CNOT6L: variants seen among roughly 807,000 people sequenced by gnomAD.
The protein encoded by CNOT6L is CCR4-NOT transcription complex subunit 6-like.
A neutral mutation model predicts 64.0 loss-of-function variants in CNOT6L; 7 were observed. That is an observed-to-expected ratio of 0.11 (90% CI 0.06 to 0.21). CNOT6L has a LOEUF of 0.21. CNOT6L is among the 10% of genes least tolerant of loss of function. The pLI, the probability that CNOT6L is intolerant of heterozygous loss-of-function variation, is 1.00. For missense variants in CNOT6L, 245 were observed against 669.0 expected, an observed-to-expected ratio of 0.37 and a Z score of 6.99; for synonymous variants, 193 against 243.4, an observed-to-expected ratio of 0.79 and a Z score of 1.93.
chr4:77,791,912 T>C (rs1217012724), intron 1 of CNOT6L, among the ~76,000 whole-genome samples: 1 of 152,188 alleles, frequency 6.6e-6, no homozygotes, highest in Non-Finnish European at 1.5e-5. Flanking sequence ...TACATATATA[T>C]ATACTTGAAG....
At chr4:77,789,301 C>T (rs1179692811) in intron 1 of CNOT6L, among the ~76,000 whole-genome samples, 6 of 151,810 alleles carry the variant, frequency 4.0e-5, no homozygotes, top group South Asian at 2.1e-4. Context: ...GCTCCCCCCA[C>T]GCTCCCCCCA....
rs35634501 is a variant in CNOT6L at position 77,783,150 on chromosome 4, CA to C, written c.6-6759del. Among the ~76,000 whole-genome samples the C allele has an allele frequency of 6.9e-3, 706 of 102,132 alleles. 3 individuals are homozygous for C. The highest frequency in any genetic ancestry group is 0.025 in the African/African-American group (647 of 25,432). The allele number at this position is 102,132 out of a possible 152,430, so 67.0% of individuals were successfully genotyped here. A position where few individuals can be genotyped will look rare whatever the true frequency, so the allele number is the denominator to read the frequency against. Reference sequence around the variant, plus strand: ...TGACATCTCCAGCTCTGTGACCACTCAAAAAAAAAAAAAAAAAAAACACATG... The same window carrying C: ...TGACATCTCCAGCTCTGTGACCACTCAAAAAAAAAAAAAAAAAAACACATG... On this transcript the variant is annotated intron_variant, in intron 1 of 11. Transcript: ENST00000504123.
At chr4:77,813,523 G>A (rs1733202780) in intron 1 of CNOT6L, among the ~76,000 whole-genome samples, 1 of 151,954 alleles carries the variant, frequency 6.6e-6, no homozygotes. Flanking sequence ...TCATATATAA[G>A]GGACACATCT....
At chr4:77,727,562 C>CAAAAAAAAAAAAAAA (rs55848621) in intron 10 of CNOT6L, among the ~76,000 whole-genome samples, 1 of 84,588 alleles carries the variant, frequency 1.2e-5, no homozygotes, top group African/African-American at 4.9e-5. Flanking sequence ...AACTCTGTCT[C>CAAAAAAAAAAAAAAA]AAAAAAAAAA....
intron 5 of CNOT6L, among the ~76,000 whole-genome samples, chr4:77,750,954 C>T (rs549380429): frequency 2.3e-3 from 352 of 152,228 alleles, no homozygotes; most frequent in South Asian, 8.5e-3. Context: ...ATTTAAAAAG[C>T]ATCAGAAGTC....
chr4:77,777,650 A>T (rs1000693808), intron 1 of CNOT6L, among the ~76,000 whole-genome samples: 11 of 152,220 alleles, frequency 7.2e-5, no homozygotes, highest in Non-Finnish European at 1.5e-4. Context: ...CATAGTATTT[A>T]TATTGGGTTC....
In CNOT6L at chr4:77,714,250, G is replaced by GA. The variant is rs1485823876; in HGVS notation, c.*6180dup. 1 of 152,250 alleles carries GA rather than the reference G, an allele frequency of 6.6e-6. No individual in the cohort carries two copies. The highest frequency in any genetic ancestry group is 1.5e-5 in the Non-Finnish European group (1 of 67,954). 9.4% of individuals were successfully genotyped at this position (152,250 alleles called of 1,614,324 possible). ...ATTCTTTAACTTAATGCCAGGTAAT[G>GA]AAAATAAATGAACCTTTCCCTACTC... On this transcript the variant is annotated 3_prime_UTR_variant, in exon 12 of 12. Transcript: ENST00000504123.
Position 77,743,598 on chromosome 4 carries a change from T to G in CNOT6L, c.717+1120A>C, listed in dbSNP as rs1238871747. ...TTGTAACACACAACTTTTTTTTTTT[T>G]TTTTTTTTTTTTTTTTTTTTTGAGA... On this transcript the variant is annotated intron_variant, in intron 7 of 11. Coordinates refer to ENST00000504123, the MANE Select transcript of CNOT6L (RefSeq NM_144571.3). 1.3e-3 allele frequency among the ~76,000 whole-genome samples: 112 copies of G among 83,698 alleles called. 2 individuals are homozygous for G. The highest frequency in any genetic ancestry group is 3.6e-3 in the African/African-American group (94 of 25,892). The allele number at this position is 83,698 out of a possible 152,430, so 54.9% of individuals were successfully genotyped here.
At chr4:77,818,434 ATGTT>A (rs1360942544) in intron 1 of CNOT6L, among the ~76,000 whole-genome samples, 2 of 152,088 alleles carry the variant, frequency 1.3e-5, no homozygotes, top group East Asian at 3.9e-4. Context: ...TTCCAAGAAA[ATGTT>A]TGTCTAATTA....
chr4:77,755,223 G>GTTTT (rs869054667), intron 5 of CNOT6L, among the ~76,000 whole-genome samples: 10 of 70,434 alleles, frequency 1.4e-4, no homozygotes, highest in Non-Finnish European at 1.7e-4. Flanking sequence ...AGAGACAAGA[G>GTTTT]TTTTTTTTTT....
At chr4:77,771,137 T>C (rs1046318365) in intron 4 of CNOT6L, among the ~76,000 whole-genome samples, 2 of 152,002 alleles carry the variant, frequency 1.3e-5, no homozygotes, top group Admixed American at 6.6e-5. Flanking sequence ...CTGACCAACA[T>C]AGAGAAGCCC....
At chr4:77,740,264 AG>A (rs1723434147) in intron 8 of CNOT6L, among the ~76,000 whole-genome samples, 1 of 151,958 alleles carries the variant, frequency 6.6e-6, no homozygotes, top group Non-Finnish European at 1.5e-5. Flanking sequence ...TCAGCTACTC[AG>A]GGTGCTGAGG....
intron 4 of CNOT6L, among the ~76,000 whole-genome samples, chr4:77,760,712 A>G (rs1375266764): frequency 6.6e-6 from 1 of 151,736 alleles, no homozygotes; most frequent in South Asian, 2.1e-4. Flanking sequence ...AAAAGACAGT[A>G]AAAGGAAAGG....
intron 1 of CNOT6L, chr4:77,818,952 G>A (rs1396614392): frequency 9.3e-6 from 6 of 648,582 alleles, no homozygotes; most frequent in East Asian, 6.1e-5. Context: ...TCCCCGGCCG[G>A]CCCCCTAGGA....
At chr4:77,756,191 C>T (rs1725563416) in intron 5 of CNOT6L, among the ~76,000 whole-genome samples, 1 of 152,092 alleles carries the variant, frequency 6.6e-6, no homozygotes, top group Non-Finnish European at 1.5e-5. Context: ...ATGGTTTCAC[C>T]ATGTTGGCCA....
chr4:77,810,848 G>A (rs1405895673), intron 1 of CNOT6L, among the ~76,000 whole-genome samples: 1 of 151,822 alleles, frequency 6.6e-6, no homozygotes, highest in Non-Finnish European at 1.5e-5. Context: ...TTACTTCTAA[G>A]AGATCGACTT....
intron 4 of CNOT6L, among the ~76,000 whole-genome samples, chr4:77,770,679 T>C (rs1727426712): frequency 6.6e-6 from 1 of 152,242 alleles, no homozygotes; most frequent in African/African-American, 2.4e-5. Context: ...AAGTTACAGT[T>C]CGTGAAGCAG....
intron 5 of CNOT6L, among the ~76,000 whole-genome samples, chr4:77,750,008 T>G (rs1009103893): frequency 2.0e-5 from 3 of 152,212 alleles, no homozygotes; most frequent in Admixed American, 2.0e-4. Context: ...AGAAAGTCTA[T>G]GCTATAGTTT....
chr4:77,722,978 G>A (rs965505698), intron 11 of CNOT6L, among the ~76,000 whole-genome samples: 7 of 55,934 alleles, frequency 1.3e-4, no homozygotes, highest in Admixed American at 4.7e-4. Context: ...AAAACACAAC[G>A]AAAATATTAA....
Sources: allele counts gnomAD v4.1 joint callset (sites outside exome capture counted in the v4.1 genomes callset), GRCh38; gene constraint gnomAD v4.1.1; transcripts MANE v1.5; gene names NCBI Gene and HGNC (gene_info 2026-07-23, HGNC 2026-07-21).